REC114: variants seen among roughly 807,000 people sequenced by gnomAD.
REC114 encodes the protein REC114 meiotic recombination protein.
REC114 carries 27 observed loss-of-function variants against 31.3 expected under a neutral mutation model. That is an observed-to-expected ratio of 0.86 (90% CI 0.64 to 1.19). The LOEUF is 1.19. Ranked by LOEUF, REC114 falls within the 50% of genes most tolerant of loss-of-function variation. REC114 has a pLI of 0.00. For missense variants in REC114, 344 were observed against 326.9 expected, an observed-to-expected ratio of 1.05 and a Z score of -0.40; for synonymous variants, 134 against 127.7, an observed-to-expected ratio of 1.05 and a Z score of -0.33.
chr15:73,541,937 A>G (rs920441297), intron 3 of REC114, among the ~76,000 whole-genome samples: 1 of 152,228 alleles, frequency 6.6e-6, no homozygotes, highest in African/African-American at 2.4e-5. Context: ...AGGTTTTACT[A>G]AGCATATATA....
Position 73,514,265 on chromosome 15 carries a change from G to A in REC114, c.250-26220G>A, listed in dbSNP as rs865889153. ...GAAAGGGAACTCCCTGACCCCTTGC[G>A]CTTCCCAGGTGAGGCAATGCCGCGC... On this transcript the variant is annotated intron_variant, in intron 2 of 5. Transcript: ENST00000331090. 2.8e-4 allele frequency among the ~76,000 whole-genome samples: 42 copies of A among 151,528 alleles called. No individual in the cohort carries two copies. In the Middle Eastern group the frequency reaches 0.01, roughly 37 times the overall value.
chr15:73,506,299 G>A (rs1012699110), intron 2 of REC114, among the ~76,000 whole-genome samples: 29 of 152,048 alleles, frequency 1.9e-4, no homozygotes, highest in African/African-American at 6.5e-4. Context: ...TTTTTTAAAA[G>A]CTCTGTTATG....
chr15:73,555,539 C>A (rs531330517), intron 4 of REC114, among the ~76,000 whole-genome samples: 9 of 152,272 alleles, frequency 5.9e-5, no homozygotes, highest in African/African-American at 2.2e-4. Flanking sequence ...TAGCATACAG[C>A]CCTCCAGTTT....
intron 2 of REC114, among the ~76,000 whole-genome samples, chr15:73,513,666 C>G (rs1893809889): frequency 6.6e-6 from 1 of 152,070 alleles, no homozygotes; most frequent in Non-Finnish European, 1.5e-5. Context: ...TTCTAACAAA[C>G]AGGACCCTCA....
Position 73,540,542 on chromosome 15 carries a change from T to G in REC114, c.307T>G (p.Cys103Gly), listed in dbSNP as rs762075972. 1.2e-6 allele frequency: 2 copies of G among 1,613,962 alleles called. No homozygotes were observed. The highest frequency in any genetic ancestry group is 1.7e-6 in the Non-Finnish European group (2 of 1,179,808). Residue 103 changes from cysteine to glycine, a missense_variant, in exon 3 of 6, where the codon TGT becomes GGT. Coordinates refer to ENST00000331090, the MANE Select transcript of REC114 (RefSeq NM_001042367.2). ...GTTGAAGATTGTAAGACGCGTGGAT[T>G]GTCTGTTGTTTGGAACAACGATAAA... is the stretch of plus-strand genomic sequence containing the variant. Reference protein sequence around the residue: ...DWLKIVRRVDCLLFGTTIKDK... With the variant: ...DWLKIVRRVDGLLFGTTIKDK...
At chr15:73,494,275 T>A (rs1002751932) in intron 2 of REC114, among the ~76,000 whole-genome samples, 1 of 152,136 alleles carries the variant, frequency 6.6e-6, no homozygotes, top group African/African-American at 2.4e-5. Context: ...GAGGCAGAGA[T>A]TGCAGTGAGC....
chr15:73,504,542 C>T (rs2141310553), intron 2 of REC114, among the ~76,000 whole-genome samples: 1 of 152,186 alleles, frequency 6.6e-6, no homozygotes, highest in East Asian at 1.9e-4. Context: ...CCTTCCTGCC[C>T]ATATGATCAG....
At chr15:73,548,887 T>G (rs1894349654) in intron 3 of REC114, among the ~76,000 whole-genome samples, 1 of 152,124 alleles carries the variant, frequency 6.6e-6, no homozygotes, top group African/African-American at 2.4e-5. Context: ...TAGAGATGGA[T>G]GGAGCTGGAG....
intron 3 of REC114, among the ~76,000 whole-genome samples, chr15:73,548,672 C>T (rs1242354873): frequency 6.6e-6 from 1 of 152,158 alleles, no homozygotes; most frequent in African/African-American, 2.4e-5. Flanking sequence ...CCATCTGACC[C>T]AGCAATCCCG....
chr15:73,473,205 A>C (rs1435801691), intron 1 of REC114, among the ~76,000 whole-genome samples: 1 of 152,150 alleles, frequency 6.6e-6, no homozygotes, highest in African/African-American at 2.4e-5. Flanking sequence ...CCTGACGAAC[A>C]TGGTGAAACC....
At chr15:73,507,668 CAT>C (rs1420708994) in intron 2 of REC114, among the ~76,000 whole-genome samples, 2 of 152,050 alleles carry the variant, frequency 1.3e-5, no homozygotes, top group Non-Finnish European at 2.9e-5. Flanking sequence ...TGTACGTACA[CAT>C]ATATAGTGTT....
intron 1 of REC114, among the ~76,000 whole-genome samples, chr15:73,469,680 CTTT>C (rs767748185): frequency 5.9e-5 from 7 of 118,924 alleles, no homozygotes; most frequent in Admixed American, 8.9e-5. Flanking sequence ...GCCTTAGACT[CTTT>C]TTTTTTTTTT....
intron 2 of REC114, among the ~76,000 whole-genome samples, chr15:73,499,434 G>A (rs1163375795): frequency 6.6e-6 from 1 of 151,908 alleles, no homozygotes; most frequent in Non-Finnish European, 1.5e-5. Flanking sequence ...GTTTGGTTGA[G>A]GGACAACAGG....
At chr15:73,449,527 A>G (rs1466267936) in intron 1 of REC114, among the ~76,000 whole-genome samples, 5 of 152,338 alleles carry the variant, frequency 3.3e-5, no homozygotes, top group African/African-American at 1.2e-4. Context: ...TGATTGGTGT[A>G]CCTGAAAGTG....
At chr15:73,473,373 G>A (rs1893161263) in intron 1 of REC114, among the ~76,000 whole-genome samples, 1 of 151,584 alleles carries the variant, frequency 6.6e-6, no homozygotes, top group South Asian at 2.1e-4. Context: ...TGGGCAACAA[G>A]AGTGAAACTC....
intron 2 of REC114, among the ~76,000 whole-genome samples, chr15:73,515,381 A>G (rs927491445): frequency 4.6e-5 from 7 of 152,210 alleles, no homozygotes; most frequent in Non-Finnish European, 1.5e-5. Flanking sequence ...AGCAAACATA[A>G]TATCCATATT....
intron 1 of REC114, among the ~76,000 whole-genome samples, chr15:73,468,894 T>C (rs1893097437): frequency 6.6e-6 from 1 of 152,184 alleles, no homozygotes; most frequent in African/African-American, 2.4e-5. Flanking sequence ...TCCCTTTTAA[T>C]TTCTTATTTA....
rs753421333 is a variant in REC114 at position 73,473,915 on chromosome 15, A to G, written c.243A>G (p.Thr81=). 1.9e-5 allele frequency: 29 copies of G among 1,566,704 alleles called. No homozygotes were observed. The highest frequency in any genetic ancestry group is 2.4e-5 in the Non-Finnish European group (28 of 1,147,714). The part of the protein sequence containing the change: ...SGHFFIFQGQ[T]LLEGFSLIGS... ...ATTTCTTCATTTTCCAAGGACAGAC[A>G]CTACTGGTAGGTTTTATGCATAACA... Residue 81 remains threonine, a synonymous_variant, in exon 2 of 6, where the codon ACA becomes ACG. Transcript: ENST00000331090.
chr15:73,507,242 A>T (rs1450051593), intron 2 of REC114, among the ~76,000 whole-genome samples: 1 of 152,258 alleles, frequency 6.6e-6, no homozygotes, highest in African/African-American at 2.4e-5. Flanking sequence ...AATATATCAC[A>T]TATACATTTT....
Sources: gnomAD v4.1 joint callset for allele counts (sites outside exome capture counted in the v4.1 genomes callset) on GRCh38, gnomAD v4.1.1 for gene constraint, MANE v1.5 for transcripts, NCBI Gene and HGNC (gene_info 2026-07-23, HGNC 2026-07-21) for gene names.